SLC14A2: variants seen among roughly 807,000 people sequenced by gnomAD.
SLC14A2 encodes the protein urea transporter 2.
A neutral mutation model predicts 104.6 loss-of-function variants in SLC14A2; 91 were observed. That is an observed-to-expected ratio of 0.87 (90% confidence interval 0.73 to 1.04). The LOEUF (loss-of-function observed/expected upper bound fraction) is 1.04, where lower values mean the gene tolerates loss of function less well. Ranked by LOEUF, SLC14A2 falls within the 50% of genes least tolerant of loss-of-function variation. The pLI, the probability that SLC14A2 is intolerant of heterozygous loss-of-function variation, is 0.00. For synonymous variants in SLC14A2, 476 were observed against 466.4 expected, an observed-to-expected ratio of 1.02 and a Z score of -0.27; for missense variants, 1,189 against 1,156.0, an observed-to-expected ratio of 1.03 and a Z score of -0.41.
intron 2 of SLC14A2, among the ~76,000 whole-genome samples, chr18:45,594,896 C>T (rs1465352435): frequency 1.3e-5 from 2 of 152,184 alleles, no homozygotes; most frequent in Non-Finnish European, 2.9e-5. Context: ...CAGAATCCCA[C>T]CAGGCAACTA....
intron 6 of SLC14A2, 91 bp from the exon 7 acceptor site, chr18:45,639,655 C>A: frequency 7.8e-7 from 1 of 1,284,968 alleles, no homozygotes; most frequent in Non-Finnish European, 1.1e-6. Flanking sequence ...CACTCCATTA[C>A]TCCCCCGAGG....
intron 5 of SLC14A2, among the ~76,000 whole-genome samples, chr18:45,636,781 T>G (rs999216683): frequency 1.4e-4 from 21 of 150,908 alleles, no homozygotes; most frequent in Admixed American, 5.3e-4. Flanking sequence ...GACAATAAAT[T>G]GGCAAAAAAA....
At chr18:45,536,482 C>G (rs964314176) in intron 2 of SLC14A2, among the ~76,000 whole-genome samples, 33 of 152,132 alleles carry the variant, frequency 2.2e-4, no homozygotes, top group Admixed American at 1.2e-3. Context: ...TGTCTGTTGG[C>G]TTGTGGATGC....
At chr18:45,224,374 T>G (rs1370739605) in intron 1 of SLC14A2, among the ~76,000 whole-genome samples, 1 of 152,194 alleles carries the variant, frequency 6.6e-6, no homozygotes, top group Non-Finnish European at 1.5e-5. Context: ...AACAGCAACC[T>G]TGAAAGCTTA....
chr18:45,633,723 G>A (rs1221830180), intron 5 of SLC14A2, among the ~76,000 whole-genome samples: 1 of 152,206 alleles, frequency 6.6e-6, no homozygotes, highest in Non-Finnish European at 1.5e-5. Flanking sequence ...TCTCTAAGAA[G>A]TAAATGTCTT....
intron 1 of SLC14A2, among the ~76,000 whole-genome samples, chr18:45,334,300 A>T (rs2085317217): frequency 6.6e-6 from 1 of 152,196 alleles, no homozygotes; most frequent in Non-Finnish European, 1.5e-5. Context: ...CCTCCATTAC[A>T]AACACTTTAG....
chr18:45,671,747 C>T (rs541404708), intron 16 of SLC14A2, among the ~76,000 whole-genome samples: 1 of 152,324 alleles, frequency 6.6e-6, no homozygotes, highest in African/African-American at 2.4e-5. Context: ...TCTCCCTCCC[C>T]GGCCACGCGC....
rs149481821 is a variant in SLC14A2 at position 45,416,745 on chromosome 18, G to A, written c.-124-66488G>A. On this transcript the variant is annotated intron_variant, in intron 1 of 20. Transcript: ENST00000586448. The stretch of plus-strand genomic sequence containing the variant: ...CTACCGTATTATTTATGAGAAATAA[G>A]AGATATTTTAAGCTGCCATCAAAAC... 4.7e-3 allele frequency among the ~76,000 whole-genome samples: 712 copies of A among 152,262 alleles called. 9 individuals are homozygous for A. The highest frequency in any genetic ancestry group is 0.016 in the African/African-American group (666 of 41,558).
At chr18:45,457,981 C>T (rs1235120644) in intron 1 of SLC14A2, among the ~76,000 whole-genome samples, 2 of 152,164 alleles carry the variant, frequency 1.3e-5, no homozygotes, top group Non-Finnish European at 2.9e-5. Context: ...AGGGAAGCTG[C>T]AGACACACAC....
upstream of SLC14A2, among the ~76,000 whole-genome samples, chr18:45,613,612 T>C (rs1403238974): frequency 6.6e-6 from 1 of 152,212 alleles, no homozygotes; most frequent in African/African-American, 2.4e-5. Context: ...TGTTGGGAAC[T>C]GGAGTAAAGG....
intron 2 of SLC14A2, among the ~76,000 whole-genome samples, chr18:45,546,140 T>TA (rs2043965557): frequency 6.6e-6 from 1 of 152,224 alleles, no homozygotes; most frequent in South Asian, 2.1e-4. Flanking sequence ...CTGTGTTAGA[T>TA]ACATGTGTTA....
chr18:45,180,851 A>G, the SLC14A2 span: 1 of 152,216 alleles, frequency 6.6e-6, no homozygotes, highest in African/African-American at 2.4e-5. Flanking sequence ...TGCATAGCAA[A>G]ATAAGAAAAT....
At chr18:45,275,175 A>G (rs573774803) in intron 1 of SLC14A2, among the ~76,000 whole-genome samples, 6 of 152,334 alleles carry the variant, frequency 3.9e-5, no homozygotes, top group African/African-American at 1.2e-4. Context: ...CAGTGACCTT[A>G]TTATTCGACA....
chr18:45,388,809 A>G (rs1191648158), intron 1 of SLC14A2, among the ~76,000 whole-genome samples: 2 of 152,186 alleles, frequency 1.3e-5, no homozygotes, highest in Non-Finnish European at 2.9e-5. Context: ...TGAAGGCCAC[A>G]GGTGCACACA....
rs879253315 is a variant in SLC14A2 at position 45,639,571 on chromosome 18, T to C, written c.844-175T>C. On this transcript the variant is annotated intron_variant, in intron 6 of 19. Coordinates refer to ENST00000255226, the MANE Select transcript of SLC14A2 (RefSeq NM_007163.4). ...CTCACATGCCTGCTGGGTGGTAGAG[T>C]GAGGAGCTGTTTGTTCCAGCTCATG... Among the ~76,000 whole-genome samples the C allele has an allele frequency of 5.9e-5, 9 of 151,956 alleles. No homozygotes were observed. In the South Asian group the frequency reaches 1.9e-3, roughly 32 times the overall value.
chr18:45,196,603 T>C, the SLC14A2 span, among the ~76,000 whole-genome samples: 1 of 151,928 alleles, frequency 6.6e-6, no homozygotes, highest in Non-Finnish European at 1.5e-5. Context: ...TGTAGGAGAG[T>C]GGGGAAGCAT....
chr18:45,535,998 G>A (rs760068828), intron 2 of SLC14A2, among the ~76,000 whole-genome samples: 13 of 152,190 alleles, frequency 8.5e-5, no homozygotes, highest in Admixed American at 2.0e-4. Flanking sequence ...TAAGCCAATA[G>A]GATGCACATC....
intron 1 of SLC14A2, among the ~76,000 whole-genome samples, chr18:45,437,157 T>C (rs1333809302): frequency 1.3e-5 from 2 of 152,216 alleles, no homozygotes; most frequent in Middle Eastern, 3.2e-3. Context: ...TTTTCATCTT[T>C]CCATTTCTCT....
intron 2 of SLC14A2, among the ~76,000 whole-genome samples, chr18:45,605,954 C>T (rs1303861052): frequency 2.0e-5 from 3 of 152,148 alleles, no homozygotes; most frequent in Non-Finnish European, 4.4e-5. Flanking sequence ...AATCTGTTTT[C>T]GGGGTATTGA....
Sources: allele counts gnomAD v4.1 joint callset (sites outside exome capture counted in the v4.1 genomes callset), GRCh38; gene constraint gnomAD v4.1.1; transcripts MANE v1.5; gene names NCBI Gene and HGNC (gene_info 2026-07-23, HGNC 2026-07-21).